PPP2R3A: variants seen among roughly 807,000 people sequenced by gnomAD.
PPP2R3A encodes the protein protein phosphatase 2 regulatory subunit B''alpha, also known as serine/threonine-protein phosphatase 2A regulatory subunit B'' subunit alpha.
In PPP2R3A, 80 loss-of-function variants were observed where a neutral mutation model predicts 106.9. The ratio of observed to expected loss-of-function variants is 0.75; its 90% CI spans 0.62 to 0.90. The LOEUF (loss-of-function observed/expected upper bound fraction) is 0.90. Among genes scored for constraint, PPP2R3A ranks in the 40% least tolerant of loss-of-function variants. The pLI, the probability that PPP2R3A is intolerant of heterozygous loss-of-function variation, is 0.00. For missense variants in PPP2R3A, 1,386 were observed against 1,350.4 expected (o/e 1.03, Z -0.41); for synonymous variants, 483 against 468.3 (o/e 1.03, Z -0.41).
intron 13 of PPP2R3A, among the ~76,000 whole-genome samples, chr3:136,117,922 A>G (rs2107994982): frequency 6.6e-6 from 1 of 152,288 alleles, no homozygotes; most frequent in South Asian, 2.1e-4. Context: ...AGACACAACA[A>G]AAAAAGAGAA....
chr3:135,968,557 A>C (rs1169880259), intron 1 of PPP2R3A, among the ~76,000 whole-genome samples: 1 of 152,190 alleles, frequency 6.6e-6, no homozygotes, highest in East Asian at 1.9e-4. Flanking sequence ...TGAAGCTAGG[A>C]AAATAGGCAA....
chr3:136,087,245 G>GTCTCTCTCTCTCTCTCTCCCTC (rs1936965656), intron 8 of PPP2R3A, among the ~76,000 whole-genome samples: 3 of 75,078 alleles, frequency 4.0e-5, no homozygotes, highest in Non-Finnish European at 7.6e-5. Flanking sequence ...CTCTAGTCGT[G>GTCTCTCTCTCTCTCTCTCCCTC]TCTCTCTCTC....
intron 3 of PPP2R3A, among the ~76,000 whole-genome samples, chr3:136,040,113 C>T (rs1935214767): frequency 6.6e-6 from 1 of 152,042 alleles, no homozygotes; most frequent in Non-Finnish European, 1.5e-5. Flanking sequence ...ACATAATAGG[C>T]AAAGGAGAGA....
intron 5 of PPP2R3A, among the ~76,000 whole-genome samples, chr3:136,065,389 A>G (rs1412693356): frequency 6.6e-6 from 1 of 152,202 alleles, no homozygotes; most frequent in Non-Finnish European, 1.5e-5. Context: ...GGGGTAGGTT[A>G]GTAGAATGTT....
intron 5 of PPP2R3A, among the ~76,000 whole-genome samples, chr3:136,059,418 A>G (rs1936001576): frequency 6.6e-6 from 1 of 152,216 alleles, no homozygotes; most frequent in African/African-American, 2.4e-5. Context: ...GCAAGTCAAA[A>G]TCACAATGAG....
Position 136,001,194 on chromosome 3 carries a change from A to T in PPP2R3A, c.-305A>T. ...AAATTTCCATGTTATAGAACTGTTG[A>T]AGAACTAAAAGAGGATATTCTTTCA... On this transcript the variant is annotated 5_prime_UTR_variant, in exon 2 of 14. It introduces an in-frame stop codon into an upstream open reading frame of the 5' UTR. Coordinates refer to ENST00000264977, the MANE Select transcript of PPP2R3A (RefSeq NM_002718.5). 1 of 439,094 alleles carries T rather than the reference A, an allele frequency of 2.3e-6. No individual in the cohort carries two copies. The highest frequency in any genetic ancestry group is 4.0e-6 in the Non-Finnish European group (1 of 251,176). The allele number at this position is 439,094 out of a possible 1,614,324, so 27.2% of individuals were successfully genotyped here. A position where few individuals can be genotyped will look rare whatever the true frequency, so the allele number is the denominator to read the frequency against.
At chr3:136,050,454 C>T (rs1269811518) in intron 5 of PPP2R3A, among the ~76,000 whole-genome samples, 1 of 152,172 alleles carries the variant, frequency 6.6e-6, no homozygotes, top group African/African-American at 2.4e-5. Flanking sequence ...AGGTCTTACA[C>T]GGTACCAAAG....
chr3:136,011,897 C>A (rs1934091032), intron 2 of PPP2R3A, among the ~76,000 whole-genome samples: 1 of 151,990 alleles, frequency 6.6e-6, no homozygotes, highest in Admixed American at 6.6e-5. Context: ...TTGTCACCAG[C>A]GTCCTTGACT....
chr3:136,120,261 A>G (rs1050395196), intron 13 of PPP2R3A, among the ~76,000 whole-genome samples: 1 of 152,086 alleles, frequency 6.6e-6, no homozygotes, highest in Admixed American at 6.6e-5. Flanking sequence ...CATTCTGTAC[A>G]TGTACCCCAG....
chr3:136,001,014 T>C, intron 1 of PPP2R3A, 45 bp from the exon 2 acceptor site: 2 of 395,808 alleles, frequency 5.1e-6, no homozygotes, highest in Non-Finnish European at 8.9e-6. Flanking sequence ...AATCAAAAGT[T>C]CCAGCATTAA....
At chr3:136,126,209 C>T (rs986830228) in intron 13 of PPP2R3A, among the ~76,000 whole-genome samples, 4 of 152,232 alleles carry the variant, frequency 2.6e-5, no homozygotes, top group African/African-American at 9.6e-5. Flanking sequence ...GGGGATTTCC[C>T]TTTCCTAACC....
intron 1 of PPP2R3A, among the ~76,000 whole-genome samples, chr3:135,996,325 T>C (rs1199390870): frequency 6.6e-6 from 1 of 152,180 alleles, no homozygotes; most frequent in African/African-American, 2.4e-5. Context: ...TTTGTGAAAA[T>C]TTTTAAGGTT....
At chr3:136,044,196 G>A (rs1488780432) in intron 4 of PPP2R3A, among the ~76,000 whole-genome samples, 2 of 152,172 alleles carry the variant, frequency 1.3e-5, no homozygotes, top group African/African-American at 4.8e-5. Context: ...GGAGCCTTAA[G>A]CATGTTGAGG....
chr3:136,005,936 C>CTCTTTA (rs1001605271), intron 2 of PPP2R3A, among the ~76,000 whole-genome samples: 1 of 152,160 alleles, frequency 6.6e-6, no homozygotes, highest in Admixed American at 6.6e-5. Context: ...TTACTCAACC[C>CTCTTTA]TCTTCCCCCA....
chr3:136,003,569 T>G (rs1282794005), intron 2 of PPP2R3A, 76 bp downstream of exon 2: 2 of 1,387,810 alleles, frequency 1.4e-6, no homozygotes, highest in Admixed American at 4.8e-5. Context: ...AAAGAAAAAC[T>G]TTTTTGTTAG....
intron 1 of PPP2R3A, among the ~76,000 whole-genome samples, chr3:135,991,048 C>G (rs1444889973): frequency 6.6e-6 from 1 of 152,128 alleles, no homozygotes; most frequent in South Asian, 2.1e-4. Context: ...CTCCCTCTTA[C>G]AGGACGTTTT....
chr3:136,103,215 C>A (rs755889114), intron 11 of PPP2R3A, 43 bp from the exon 12 acceptor site: 5 of 1,371,418 alleles, frequency 3.6e-6, no homozygotes, highest in Non-Finnish European at 5.1e-6. Flanking sequence ...CTTGCCAAAA[C>A]AGCTCTTGAT....
intron 13 of PPP2R3A, among the ~76,000 whole-genome samples, chr3:136,117,056 A>G (rs998289750): frequency 6.6e-6 from 1 of 152,222 alleles, no homozygotes; most frequent in African/African-American, 2.4e-5. Flanking sequence ...CCACAGTGCA[A>G]TCAAATTAGA....
chr3:136,014,121 A>G (rs1364946356), intron 2 of PPP2R3A, among the ~76,000 whole-genome samples: 2 of 151,720 alleles, frequency 1.3e-5, no homozygotes, highest in Non-Finnish European at 2.9e-5. Context: ...TTATGTTTTT[A>G]TTTGCCTTGT....
Sources: gnomAD v4.1 joint callset for allele counts (sites outside exome capture counted in the v4.1 genomes callset) on GRCh38, gnomAD v4.1.1 for gene constraint, MANE v1.5 for transcripts, NCBI Gene and HGNC (gene_info 2026-07-23, HGNC 2026-07-21) for gene names.